Variants in MAST3 observed in about 807,000 individuals in gnomAD.
MAST3 encodes the protein microtubule-associated serine/threonine-protein kinase 3.
MAST3 carries 43 observed loss-of-function variants against 127.0 expected under a neutral mutation model. The ratio of observed to expected loss-of-function variants is 0.34; its 90% CI spans 0.27 to 0.44. The LOEUF (loss-of-function observed/expected upper bound fraction) is 0.44. Among genes scored for constraint, MAST3 ranks in the 20% least tolerant of loss-of-function variants. The probability of loss-of-function intolerance (pLI) is 1.00; values close to 1 mark genes in which losing one functional copy is unlikely to be tolerated. For missense variants in MAST3, 1,390 were observed against 1,919.1 expected (o/e 0.72, Z 5.15); for synonymous variants, 785 against 809.2 (o/e 0.97, Z 0.51).
chr19:18,115,892 G>A lies in MAST3; in HGVS notation c.161+5151G>A, dbSNP rs138791311. 7.4e-4 allele frequency among the ~76,000 whole-genome samples: 113 copies of A among 152,268 alleles called. 2 individuals carry two copies. The East Asian group carries it at 0.019, about 25-fold the overall frequency. Reference sequence around the variant, plus strand: ...CCACAAGGCTTATGTGGTCAGCCCCGCTGGCATTTTGCCCTCAGTGCTGCC... The same window carrying A: ...CCACAAGGCTTATGTGGTCAGCCCCACTGGCATTTTGCCCTCAGTGCTGCC... On this transcript the variant is annotated intron_variant, in intron 3 of 27. Coordinates refer to ENST00000687212, the MANE Select transcript of MAST3 (RefSeq NM_001393504.1).
intron 3 of MAST3, among the ~76,000 whole-genome samples, chr19:18,113,882 G>A (rs1732920523): frequency 6.6e-6 from 1 of 152,250 alleles, no homozygotes. Flanking sequence ...ACTGGCATGA[G>A]CCATTGTGCC....
At position 18,143,919 on chromosome 19, in the gene MAST3, A is replaced by G. The variant is rs2042769039; in HGVS notation, c.2496A>G (p.Ala832=). ...ATGAGGGGGTAGGCCCAGGCCCTGC[A>G]GGCCCCAAGAGGCCCGTCTTCATTC... The part of the protein sequence containing the change: ...SEDEGVGPGP[A]GPKRPVFILG... The change falls in exon 22 of 28, where the codon GCA becomes GCG. Residue 832 remains alanine (A), a synonymous_variant. Transcript: ENST00000687212. 6.2e-7 allele frequency: 1 copy of G among 1,612,674 alleles called. No individual in the cohort carries two copies. Among genetic ancestry groups the G allele is most frequent in the Non-Finnish European group, 8.5e-7 (1 of 1,179,498 alleles).
At chr19:18,123,835 T>G in intron 8 of MAST3, 104 bp from the exon 9 acceptor site, 2 of 1,097,124 alleles carry the variant, frequency 1.8e-6, no homozygotes, top group Non-Finnish European at 2.6e-6. Context: ...GATCGCCCCA[T>G]TGCCCCATCT....
At chr19:18,119,758 G>A (rs906820008) in intron 3 of MAST3, among the ~76,000 whole-genome samples, 9 of 152,212 alleles carry the variant, frequency 5.9e-5, no homozygotes, top group African/African-American at 9.7e-5. Flanking sequence ...ATGTGGAGAC[G>A]TAGACAGGCT....
intron 15 of MAST3, 85 bp downstream of exon 15, chr19:18,132,132 G>A (rs1265704924): frequency 1.3e-6 from 2 of 1,549,050 alleles, no homozygotes; most frequent in Non-Finnish European, 8.8e-7. Flanking sequence ...TCAGGGCAGA[G>A]CCTCTGAGGT....
At chr19:18,100,217 C>A (rs947596065) in intron 1 of MAST3, among the ~76,000 whole-genome samples, 1 of 151,416 alleles carries the variant, frequency 6.6e-6, no homozygotes, top group African/African-American at 2.4e-5. Flanking sequence ...CTCCACCTCC[C>A]GGGTTCAAGT....
In MAST3 at chr19:18,112,604, G is replaced by A. The variant is rs1455648573; in HGVS notation, c.161+1863G>A. ...CCCGCCTTGGCCTCTCAAAGTGCTGGGATTACAGGCATGAACCACCAAGCC... is the reference window on the plus strand; with the variant it reads ...CCCGCCTTGGCCTCTCAAAGTGCTGAGATTACAGGCATGAACCACCAAGCC... On this transcript the variant is annotated intron_variant, in intron 3 of 27. Transcript: ENST00000687212. The surrounding 1 kb of genome is among the most constrained non-coding windows in gnomAD (Gnocchi z 4.1). 6.6e-6 allele frequency among the ~76,000 whole-genome samples: 1 copy of A among 152,162 alleles called. No homozygotes were observed. Among genetic ancestry groups the A allele is most frequent in the Non-Finnish European group, 1.5e-5 (1 of 68,030 alleles).
chr19:18,120,340 G>A (rs772442948), intron 3 of MAST3, among the ~76,000 whole-genome samples: 2 of 152,100 alleles, frequency 1.3e-5, no homozygotes, highest in South Asian at 2.1e-4. Flanking sequence ...TGGGCTCCAG[G>A]GTGTGTTTGG....
intron 13 of MAST3, among the ~76,000 whole-genome samples, chr19:18,129,714 C>T (rs1464179316): frequency 6.6e-6 from 1 of 152,068 alleles, no homozygotes; most frequent in Non-Finnish European, 1.5e-5. Context: ...CGCTTGAGGC[C>T]AGGAGTTCGA....
chr19:18,128,843 C>T (rs1482694382), intron 12 of MAST3, 23 bp from the exon 13 acceptor site: 4 of 1,593,462 alleles, frequency 2.5e-6, no homozygotes, highest in Non-Finnish European at 3.4e-6. Flanking sequence ...GGGGCAGGAC[C>T]CTAAGCCCTT....
At chr19:18,132,168 C>A in intron 15 of MAST3, 121 bp downstream of exon 15, 9 of 1,355,466 alleles carry the variant, frequency 6.6e-6, no homozygotes, top group Non-Finnish European at 9.0e-6. Context: ...TCAGGAGCCC[C>A]ATCTGTCTGA....
intron 1 of MAST3, among the ~76,000 whole-genome samples, chr19:18,099,221 G>A (rs887261400): frequency 6.6e-6 from 1 of 151,622 alleles, no homozygotes; most frequent in Non-Finnish European, 1.5e-5. Flanking sequence ...AGTGGTCAGG[G>A]AAGGCACGGG....
rs977025727 is a variant in MAST3, at chr19:18,134,609, G to A, written c.1602G>A (p.Lys534=). ...TCATCACCTCGCTTGGCCACATCAAGCTCACGGACTTCGGCCTGTCCAAGA... is the reference window on the plus strand; with the variant it reads ...TCATCACCTCGCTTGGCCACATCAAACTCACGGACTTCGGCCTGTCCAAGA... ...NLLITSLGHI[K]LTDFGLSKIG... is the part of the protein sequence containing the mutation. Residue 534 remains lysine (K), a synonymous_variant, in exon 16 of 28, where the codon AAG becomes AAA. Coordinates refer to ENST00000687212, the MANE Select transcript of MAST3 (RefSeq NM_001393504.1). 2 of 1,613,022 alleles carry A rather than the reference G, an allele frequency of 1.2e-6. No individual in the cohort carries two copies. The highest frequency in any genetic ancestry group is 8.5e-7 in the Non-Finnish European group (1 of 1,179,486).
At chr19:18,111,290 C>CG (rs398120872) in intron 3 of MAST3, among the ~76,000 whole-genome samples, 1 of 152,118 alleles carries the variant, frequency 6.6e-6, no homozygotes, top group East Asian at 1.9e-4. Flanking sequence ...GTCCATCCCC[C>CG]GGGGGCCAAG....
chr19:18,128,923 A>T lies in MAST3; in HGVS notation c.1195A>T (p.Ile399Phe). ...GCCATGCGAAAGCGACTTTGAGACC[A>T]TCAAACTCATTAGCAACGGAGCCTA... is the stretch of plus-strand genomic sequence containing the variant. ...RKPCESDFET[I>F]KLISNGAYGA... Residue 399 changes from isoleucine (I) to phenylalanine (F), a missense_variant, in exon 13 of 28, where the codon ATC becomes TTC. This residue lies in a region of MAST3 where 277 missense variants were observed against 384.8 expected (regional missense o/e 0.72). Coordinates refer to ENST00000687212, the MANE Select transcript of MAST3 (RefSeq NM_001393504.1). 1 of 1,614,004 alleles carries T rather than the reference A, an allele frequency of 6.2e-7. No homozygotes were observed. The highest frequency in any genetic ancestry group is 8.5e-7 in the Non-Finnish European group (1 of 1,179,890).
intron 19 of MAST3, among the ~76,000 whole-genome samples, chr19:18,137,924 G>A (rs2042046659): frequency 6.6e-6 from 1 of 152,118 alleles, no homozygotes; most frequent in Non-Finnish European, 1.5e-5. Context: ...CACAATTTTG[G>A]CCAGGCGCAG....
rs1327855184 is a variant in MAST3, at chr19:18,146,982, G to A, written c.3264G>A (p.Arg1088=). Residue 1088 remains arginine (R), a synonymous_variant, in exon 26 of 28, where the codon AGG becomes AGA. Coordinates refer to ENST00000687212, the MANE Select transcript of MAST3 (RefSeq NM_001393504.1). ...KNVAKGRMAR[R]SKRSRRRETQ... is the part of the protein sequence containing the mutation. ...TGGCCAAGGGCCGCATGGCACGCAG[G>A]AGCAAGAGGAGCCGTCGGCGGGAGA... 3 of 1,567,814 alleles carry A rather than the reference G, an allele frequency of 1.9e-6. No homozygotes were observed. Among genetic ancestry groups the A allele is most frequent in the African/African-American group, 1.4e-5 (1 of 74,002 alleles).
intron 9 of MAST3, 21 bp from the exon 10 acceptor site, chr19:18,124,244 G>A: frequency 1.3e-6 from 2 of 1,595,884 alleles, no homozygotes; most frequent in Non-Finnish European, 1.7e-6. Context: ...TGTGGGTGAT[G>A]CCACGACCCA....
Position 18,147,576 on chromosome 19 carries a change from C to T in MAST3, c.3460C>T (p.Pro1154Ser). ...CGGCTCGCCCACCCACAGCCTCTCC[C>T]CCAGCCCCACCACTCCCTGCCGAAG... ...LPGSPTHSLS[P>S]SPTTPCRSPA... The change falls in exon 27 of 28, where the codon CCC (proline) becomes TCC (serine). Residue 1154 changes from proline to serine, a missense_variant. By Grantham distance (74) the Pro-to-Ser change is moderately conservative. This residue lies in a region of MAST3 where 816 missense variants were observed against 934.1 expected (regional missense o/e 0.87). Transcript: ENST00000687212. 6.3e-7 allele frequency: 1 copy of T among 1,577,950 alleles called. No individual in the cohort carries two copies. Among genetic ancestry groups the T allele is most frequent in the East Asian group, 2.4e-5 (1 of 42,454 alleles).
Sources: allele counts gnomAD v4.1 joint callset (sites outside exome capture counted in the v4.1 genomes callset), GRCh38; gene constraint gnomAD v4.1.1; regional missense constraint gnomAD v4.1.1; non-coding constraint Gnocchi (gnomAD v3.1); transcripts MANE v1.5; gene names NCBI Gene and HGNC (gene_info 2026-07-23, HGNC 2026-07-21).